LRRC4C: variants seen among roughly 807,000 people sequenced by gnomAD.
LRRC4C encodes the protein leucine-rich repeat-containing protein 4C.
In LRRC4C, 5 loss-of-function variants were observed where a neutral mutation model predicts 33.6. The observed-to-expected ratio is 0.15, with a 90% CI of 0.08 to 0.31. The LOEUF is 0.31. Among genes scored for constraint, LRRC4C ranks in the 10% least tolerant of loss-of-function variants. The pLI is 1.00. For missense variants in LRRC4C, 560 were observed against 796.7 expected (o/e 0.70, Z 3.58); for synonymous variants, 329 against 302.0 (o/e 1.09, Z -0.93).
At chr11:40,125,394 C>T (rs1856144191) in intron 6 of LRRC4C, among the ~76,000 whole-genome samples, 1 of 152,144 alleles carries the variant, frequency 6.6e-6, no homozygotes, top group Non-Finnish European at 1.5e-5. Flanking sequence ...GAACTTATAT[C>T]TTTGATATTT....
chr11:41,264,035 C>A (rs1315132034), intron 1 of LRRC4C, among the ~76,000 whole-genome samples: 2 of 151,668 alleles, frequency 1.3e-5, no homozygotes, highest in Non-Finnish European at 2.9e-5. Flanking sequence ...AAGTATAATA[C>A]AAAAATTGCA....
chr11:40,652,498 G>A (rs570492969), intron 2 of LRRC4C, among the ~76,000 whole-genome samples: 4 of 152,266 alleles, frequency 2.6e-5, no homozygotes, highest in African/African-American at 4.8e-5. Context: ...CAAGAAAAAT[G>A]AGGCTCAGAG....
chr11:41,112,658 A>G (rs1342759272), intron 1 of LRRC4C, among the ~76,000 whole-genome samples: 1 of 151,742 alleles, frequency 6.6e-6, no homozygotes, highest in Non-Finnish European at 1.5e-5. Context: ...TCAATCATGT[A>G]CTCTCCTTTC....
Position 40,401,178 on chromosome 11 carries a change from T to A in LRRC4C, c.-269-81457A>T, listed in dbSNP as rs528658001. 1.3e-4 allele frequency among the ~76,000 whole-genome samples: 19 copies of A among 146,880 alleles called. No homozygotes were observed. The East Asian group carries it at 2.1e-3, about 16-fold the overall frequency. ...ATAGGCTTAATTATTAAAAAAAAAA[T>A]TTCCTGATTTGTAATTTATGGCTTG... On this transcript the variant is annotated intron_variant, in intron 3 of 6. Coordinates refer to ENST00000528697, the MANE Select transcript of LRRC4C (RefSeq NM_001258419.2).
intron 2 of LRRC4C, among the ~76,000 whole-genome samples, chr11:40,862,921 A>G (rs1272171217): frequency 3.9e-5 from 6 of 152,288 alleles, no homozygotes; most frequent in Non-Finnish European, 8.8e-5. Context: ...GGAAGATCTT[A>G]TTTCTTTTGT....
intron 5 of LRRC4C, among the ~76,000 whole-genome samples, chr11:40,169,924 C>T (rs1859909379): frequency 6.6e-6 from 1 of 152,138 alleles, no homozygotes. Flanking sequence ...TTCAATTGGT[C>T]TTCCTTTTGC....
At chr11:41,447,088 T>C (rs1398337015) in intron 1 of LRRC4C, among the ~76,000 whole-genome samples, 1 of 152,154 alleles carries the variant, frequency 6.6e-6, no homozygotes, top group Non-Finnish European at 1.5e-5. Flanking sequence ...ATTTTTAGCA[T>C]AAAGCATGCT....
chr11:40,527,622 C>T (rs1042455752), intron 3 of LRRC4C, among the ~76,000 whole-genome samples: 2 of 152,072 alleles, frequency 1.3e-5, no homozygotes, highest in African/African-American at 4.8e-5. Context: ...TCCTGAGTCC[C>T]AAGTTTCCAA....
intron 3 of LRRC4C, among the ~76,000 whole-genome samples, chr11:40,630,330 C>CCTCTTCTTCTTCT (rs1963346898): frequency 7.4e-6 from 1 of 135,536 alleles, no homozygotes; most frequent in African/African-American, 2.8e-5. Context: ...TTTCTTCTTC[C>CCTCTTCTTCTTCT]TCTTCTTCTT....
intron 1 of LRRC4C, among the ~76,000 whole-genome samples, chr11:40,945,510 C>T (rs1958358138): frequency 6.6e-6 from 1 of 152,122 alleles, no homozygotes; most frequent in South Asian, 2.1e-4. Context: ...CACAATCGTA[C>T]CCCTTAATAT....
At chr11:40,241,275 G>A (rs1363950511) in intron 5 of LRRC4C, among the ~76,000 whole-genome samples, 3 of 152,064 alleles carry the variant, frequency 2.0e-5, no homozygotes, top group Non-Finnish European at 4.4e-5. Flanking sequence ...CTAGCTACTC[G>A]GGAGGCTGAG....
chr11:40,653,621 G>A (rs973880642), intron 2 of LRRC4C, among the ~76,000 whole-genome samples: 3 of 152,184 alleles, frequency 2.0e-5, no homozygotes, highest in African/African-American at 7.2e-5. Flanking sequence ...TGAAACTTAT[G>A]TTTAAAAAGA....
intron 1 of LRRC4C, among the ~76,000 whole-genome samples, chr11:41,096,545 A>G (rs1940821300): frequency 1.3e-5 from 2 of 152,178 alleles, no homozygotes; most frequent in Admixed American, 1.3e-4. Context: ...CATTCATCTC[A>G]TTGGCAGCAA....
intron 3 of LRRC4C, among the ~76,000 whole-genome samples, chr11:40,563,942 G>A (rs911435879): frequency 1.3e-5 from 2 of 152,148 alleles, no homozygotes; most frequent in African/African-American, 2.4e-5. Flanking sequence ...CATAAGTCAG[G>A]CCAATAACTA....
At chr11:41,392,489 C>T (rs1179980699) in intron 1 of LRRC4C, among the ~76,000 whole-genome samples, 1 of 151,526 alleles carries the variant, frequency 6.6e-6, no homozygotes, top group Non-Finnish European at 1.5e-5. Context: ...TTGGTACTTA[C>T]CGAATTTAGG....
chr11:40,786,079 C>A (rs751310448), intron 2 of LRRC4C, among the ~76,000 whole-genome samples: 1 of 152,032 alleles, frequency 6.6e-6, no homozygotes, highest in Non-Finnish European at 1.5e-5. Flanking sequence ...TAAACTCATA[C>A]GAACGATGAA....
At chr11:40,893,818 A>AACACAC (rs55810825) in intron 2 of LRRC4C, among the ~76,000 whole-genome samples, 151 of 70,054 alleles carry the variant, frequency 2.2e-3, no homozygotes, top group African/African-American at 4.0e-3. Context: ...TACGTATTAT[A>AACACAC]ACACACACAC....
chr11:40,696,496 C>T (rs971842965), intron 2 of LRRC4C, among the ~76,000 whole-genome samples: 9 of 148,592 alleles, frequency 6.1e-5, no homozygotes, highest in African/African-American at 2.2e-4. Context: ...TTTATACACT[C>T]ATAATGTATT....
chr11:40,639,071 C>A (rs974588909), intron 3 of LRRC4C, among the ~76,000 whole-genome samples: 2 of 151,202 alleles, frequency 1.3e-5, no homozygotes, highest in Admixed American at 6.6e-5. Flanking sequence ...TATTTCCTAT[C>A]GAAAGTATGA....
Sources: allele counts gnomAD v4.1 joint callset (sites outside exome capture counted in the v4.1 genomes callset), GRCh38; gene constraint gnomAD v4.1.1; transcripts MANE v1.5; gene names NCBI Gene and HGNC (gene_info 2026-07-23, HGNC 2026-07-21).